Variants in HPSE2 observed in about 807,000 individuals in gnomAD.
HPSE2 encodes heparanase 2 (inactive).
A neutral mutation model predicts 60.5 loss-of-function variants in HPSE2; 38 were observed. That is an observed-to-expected ratio of 0.63 (90% CI 0.48 to 0.82). The LOEUF (loss-of-function observed/expected upper bound fraction) is 0.82, where lower values mean the gene tolerates loss of function less well. Among genes scored for constraint, HPSE2 ranks in the 40% least tolerant of loss-of-function variants. The probability of loss-of-function intolerance (pLI) is 0.00; values close to 1 mark genes in which losing one functional copy is unlikely to be tolerated. For synonymous variants in HPSE2, 295 were observed against 293.2 expected (o/e 1.01, Z -0.06); for missense variants, 713 against 740.4 (o/e 0.96, Z 0.43).
intron 3 of HPSE2, among the ~76,000 whole-genome samples, chr10:99,053,197 A>T (rs1443490784): frequency 1.3e-5 from 2 of 152,094 alleles, no homozygotes; most frequent in Admixed American, 6.6e-5. Flanking sequence ...TAATATATGT[A>T]AATGTAAAAT....
intron 9 of HPSE2, among the ~76,000 whole-genome samples, chr10:98,542,275 C>T (rs1464696186): frequency 9.3e-5 from 14 of 150,412 alleles, no homozygotes; most frequent in Admixed American, 2.7e-4. Context: ...GTCCTGTCTG[C>T]TAGAAGGAAA....
the HPSE2 span, among the ~76,000 whole-genome samples, chr10:99,257,996 C>T: frequency 1.3e-5 from 2 of 152,016 alleles, no homozygotes; most frequent in Admixed American, 6.6e-5. Flanking sequence ...CAAAAATTAG[C>T]TGGGCGTGGT....
intron 3 of HPSE2, among the ~76,000 whole-genome samples, chr10:98,925,918 C>T (rs1362978317): frequency 6.6e-6 from 1 of 152,132 alleles, no homozygotes; most frequent in East Asian, 1.9e-4. Flanking sequence ...AGGGAACTCA[C>T]CATCATGTTG....
chr10:98,996,480 A>G (rs532644260), intron 3 of HPSE2, among the ~76,000 whole-genome samples: 2 of 152,298 alleles, frequency 1.3e-5, no homozygotes, highest in South Asian at 4.1e-4. Flanking sequence ...TGACTCAGAA[A>G]TTCTGCTCCT....
chr10:98,553,982 C>T (rs1943933542), intron 9 of HPSE2, among the ~76,000 whole-genome samples: 1 of 152,166 alleles, frequency 6.6e-6, no homozygotes, highest in Admixed American at 6.5e-5. Flanking sequence ...CTCCATAGAG[C>T]TCACTAAGGA....
intron 3 of HPSE2, among the ~76,000 whole-genome samples, chr10:98,789,287 A>C (rs1468360512): frequency 1.3e-5 from 2 of 152,224 alleles, no homozygotes; most frequent in Admixed American, 1.3e-4. Context: ...AGAGATCCAG[A>C]GACACATGCT....
chr10:98,492,037 T>C (rs1307734926), intron 9 of HPSE2, among the ~76,000 whole-genome samples: 1 of 152,238 alleles, frequency 6.6e-6, no homozygotes, highest in East Asian at 1.9e-4. Context: ...CCCATTTTTC[T>C]TATCCTTCAT....
In HPSE2 at chr10:98,939,610, T is replaced by C. The variant is rs1954925841; in HGVS notation, c.611-195554A>G. Among the ~76,000 whole-genome samples the C allele has an allele frequency of 2.1e-5, 3 of 143,280 alleles. 1 individual carries two copies. The highest frequency in any genetic ancestry group is 4.0e-4 in the East Asian group (2 of 5,062). 94.0% of individuals were successfully genotyped at this position (143,280 alleles called of 152,430 possible). ...GTCCTGAGTGACCTACAAAGAGACT[T>C]AGACACCCACACAATAATAATGGGA... On this transcript the variant is annotated intron_variant, in intron 3 of 11. Transcript: ENST00000370552.
chr10:98,978,069 T>A (rs1194174669), intron 3 of HPSE2, among the ~76,000 whole-genome samples: 3 of 152,030 alleles, frequency 2.0e-5, no homozygotes, highest in African/African-American at 4.8e-5. Flanking sequence ...TCCACATAGC[T>A]AGTACAAGGT....
chr10:98,471,425 T>C (rs958880526), intron 11 of HPSE2, among the ~76,000 whole-genome samples: 1 of 152,050 alleles, frequency 6.6e-6, no homozygotes, highest in Non-Finnish European at 1.5e-5. Context: ...GGCGGGGATA[T>C]GTTTGTAGCT....
chr10:99,180,207 A>G (rs1042618511), intron 2 of HPSE2, among the ~76,000 whole-genome samples: 7 of 152,234 alleles, frequency 4.6e-5, no homozygotes, highest in Admixed American at 3.9e-4. Flanking sequence ...ATGGGCAAAG[A>G]CTTCATGACT....
intron 3 of HPSE2, among the ~76,000 whole-genome samples, chr10:99,012,438 T>C (rs1957039859): frequency 6.6e-6 from 1 of 152,114 alleles, no homozygotes; most frequent in Non-Finnish European, 1.5e-5. Context: ...TTCCTTTTTT[T>C]TTTTAACAAG....
the HPSE2 span, among the ~76,000 whole-genome samples, chr10:99,278,184 G>A: frequency 8.6e-5 from 13 of 151,244 alleles, no homozygotes; most frequent in South Asian, 2.3e-3. Context: ...ATGAACATTT[G>A]TAAAGTAATA....
intron 9 of HPSE2, among the ~76,000 whole-genome samples, chr10:98,560,894 A>G (rs1417843240): frequency 6.6e-6 from 1 of 152,138 alleles, no homozygotes; most frequent in East Asian, 1.9e-4. Context: ...AAAGTATAGC[A>G]CATATAATTA....
intron 3 of HPSE2, among the ~76,000 whole-genome samples, chr10:98,918,284 A>G (rs1056942565): frequency 5.3e-5 from 8 of 152,122 alleles, no homozygotes; most frequent in Admixed American, 2.0e-4. Flanking sequence ...TTCCTCAGGG[A>G]TCTAGAACTA....
the HPSE2 span, among the ~76,000 whole-genome samples, chr10:99,266,297 G>A: frequency 1.8e-4 from 28 of 152,182 alleles, no homozygotes; most frequent in Non-Finnish European, 7.3e-5. Flanking sequence ...TAAACTGGGT[G>A]CTGTTGTGGC....
chr10:99,199,714 C>T (rs1442442106), intron 2 of HPSE2, among the ~76,000 whole-genome samples: 3 of 152,060 alleles, frequency 2.0e-5, no homozygotes, highest in African/African-American at 4.8e-5. Context: ...GGACACGTAA[C>T]GCCTCCAGCT....
At chr10:99,212,203 A>G (rs1431600787) in intron 2 of HPSE2, among the ~76,000 whole-genome samples, 2 of 152,058 alleles carry the variant, frequency 1.3e-5, no homozygotes, top group East Asian at 3.9e-4. Context: ...TGTAGAGAAA[A>G]GGAAACCCTT....
At chr10:99,049,875 A>G (rs1431044735) in intron 3 of HPSE2, among the ~76,000 whole-genome samples, 1 of 152,212 alleles carries the variant, frequency 6.6e-6, no homozygotes, top group Non-Finnish European at 1.5e-5. Flanking sequence ...CAGAATATAT[A>G]ATGAACTCTG....
Sources: allele counts gnomAD v4.1 joint callset (sites outside exome capture counted in the v4.1 genomes callset), GRCh38; gene constraint gnomAD v4.1.1; transcripts MANE v1.5; gene names NCBI Gene and HGNC (gene_info 2026-07-23, HGNC 2026-07-21).